Variants in NOTCH3 observed in about 807,000 individuals in gnomAD.
The protein encoded by NOTCH3 is notch receptor 3.
Under a neutral mutation model 213.3 loss-of-function variants are expected in NOTCH3, and 86 were observed. That is an observed-to-expected ratio of 0.40 (90% confidence interval 0.34 to 0.48). NOTCH3 has a LOEUF of 0.48. Ranked by LOEUF, NOTCH3 falls within the 20% of genes least tolerant of loss-of-function variation. The pLI, the probability that NOTCH3 is intolerant of heterozygous loss-of-function variation, is 0.57. For synonymous variants in NOTCH3, 1,354 were observed against 1,355.9 expected, an observed-to-expected ratio of 1.00 and a Z score of 0.03; for missense variants, 2,783 against 3,272.6, an observed-to-expected ratio of 0.85 and a Z score of 3.65.
At position 15,187,208 on chromosome 19, in the gene NOTCH3, G is replaced by A. The variant is rs781068003; in HGVS notation, c.1737C>T (p.Cys579=). The change falls in exon 11 of 33, where the codon TGC becomes TGT. Residue 579 remains cysteine (C), a synonymous_variant. Transcript: ENST00000263388. ...TGCGGCATTCGTCCACCTGGCTCTC[G>A]CAGCGTGTGCCCGTGTAGCCAGGAG... ...ACAPGYTGTR[C]ESQVDECRSQ... is the part of the protein sequence containing the mutation. The A allele has an allele frequency of 2.8e-5, 45 of 1,613,924 alleles. No individual in the cohort carries two copies. Among genetic ancestry groups the A allele is most frequent in the African/African-American group, 1.1e-4 (8 of 74,950 alleles).
Position 15,187,156 on chromosome 19 carries a change from AT to A in NOTCH3, c.1788del (p.Lys596AsnfsTer3), listed in dbSNP as rs1303316005. 2 of 1,614,092 alleles carry A rather than the reference AT, an allele frequency of 1.2e-6. No homozygotes were observed. Among genetic ancestry groups the A allele is most frequent in the Non-Finnish European group, 1.7e-6 (2 of 1,180,002 alleles). On this transcript the variant is annotated frameshift_variant, in exon 11 of 33. Transcript: ENST00000263388. LOFTEE classifies it high-confidence loss of function. ...CRSQPCRHGG[K>X]CLDLVDKYLC... Reference sequence around the variant, plus strand: ...AGGTACTTGTCCACCAGGTCTAGGCATTTGCCGCCATGGCGGCAGGGCTGGC... The same window carrying A: ...AGGTACTTGTCCACCAGGTCTAGGCATTGCCGCCATGGCGGCAGGGCTGGC...
chr19:15,168,810 G>C (rs112684888), intron 28 of NOTCH3, among the ~76,000 whole-genome samples: 23 of 151,994 alleles, frequency 1.5e-4, no homozygotes, highest in African/African-American at 5.1e-4. Context: ...CTCCAGCTTG[G>C]GCAACAGAGT....
At chr19:15,186,285 T>G (rs568304300) in intron 12 of NOTCH3, among the ~76,000 whole-genome samples, 1 of 152,226 alleles carries the variant, frequency 6.6e-6, no homozygotes, top group South Asian at 2.1e-4. Flanking sequence ...TCATTTCCAC[T>G]AAGGATTAGT....
intron 2 of NOTCH3, among the ~76,000 whole-genome samples, chr19:15,192,951 T>C (rs537973008): frequency 1.6e-4 from 25 of 152,168 alleles, no homozygotes; most frequent in African/African-American, 5.5e-4. Flanking sequence ...CATTCATTCA[T>C]GCAACGAATA....
chr19:15,174,931 G>A (rs527946430), intron 24 of NOTCH3, among the ~76,000 whole-genome samples: 16 of 152,070 alleles, frequency 1.1e-4, no homozygotes, highest in Middle Eastern at 3.4e-3. Context: ...TGTTGCCCAC[G>A]CCGGAGTGCA....
chr19:15,187,828 G>A, intron 10 of NOTCH3, 53 bp downstream of exon 10: 5 of 1,412,890 alleles, frequency 3.5e-6, no homozygotes, highest in Non-Finnish European at 4.9e-6. Flanking sequence ...TGGCCCTGTC[G>A]CCCACAAGCC....
chr19:15,173,815 T>C (rs1350135963), intron 25 of NOTCH3, among the ~76,000 whole-genome samples: 1 of 149,328 alleles, frequency 6.7e-6, no homozygotes, highest in Non-Finnish European at 1.5e-5. Context: ...AAAAAAACCC[T>C]ACACATGTAT....
At chr19:15,170,613 G>A (rs1425666085) in intron 26 of NOTCH3, 58 bp downstream of exon 26, 1 of 1,564,550 alleles carries the variant, frequency 6.4e-7, no homozygotes, top group Non-Finnish European at 8.6e-7. Flanking sequence ...GCCTCAGGCG[G>A]GGCTTCGGCC....
intron 12 of NOTCH3, 98 bp downstream of exon 12, chr19:15,186,780 G>T: frequency 1.0e-6 from 1 of 961,516 alleles, no homozygotes; most frequent in Non-Finnish European, 1.7e-6. Flanking sequence ...AACCTCGTTG[G>T]ACAAGAGTCT....
intron 25 of NOTCH3, among the ~76,000 whole-genome samples, chr19:15,173,499 C>A (rs2046757176): frequency 6.8e-6 from 1 of 148,084 alleles, no homozygotes; most frequent in Admixed American, 6.8e-5. Flanking sequence ...AATTCCTGGG[C>A]TCAAGTGATC....
chr19:15,189,811 G>A (rs993234489), intron 6 of NOTCH3, among the ~76,000 whole-genome samples: 3 of 151,910 alleles, frequency 2.0e-5, no homozygotes, highest in Non-Finnish European at 4.4e-5. Flanking sequence ...GAGCCACCGC[G>A]CCCGGCCTGT....
chr19:15,182,728 C>CG (rs2046850798), intron 16 of NOTCH3, among the ~76,000 whole-genome samples: 1 of 151,946 alleles, frequency 6.6e-6, no homozygotes, highest in African/African-American at 2.4e-5. Flanking sequence ...CCACAACCTC[C>CG]GCCTCCCGGG....
At position 15,189,331 on chromosome 19, in the gene NOTCH3, G is replaced by T. The variant is rs2046909933; in HGVS notation, c.1134C>A (p.Thr378=). 1 of 1,614,106 alleles carries T rather than the reference G, an allele frequency of 6.2e-7. No individual in the cohort carries two copies. Among genetic ancestry groups the T allele is most frequent in the Non-Finnish European group, 8.5e-7 (1 of 1,180,034 alleles). Reference sequence around the variant, plus strand: ...CCCCACCCGTGAAGCCGGGAGGACAGGTGCAAATGGCCCGGCCGTTCACCG... The same window carrying T: ...CCCCACCCGTGAAGCCGGGAGGACATGTGCAAATGGCCCGGCCGTTCACCG... ...TNPVNGRAIC[T]CPPGFTGGAC... The change falls in exon 7 of 33, where the codon ACC becomes ACA. Residue 378 remains threonine, a synonymous_variant. Transcript: ENST00000263388.
chr19:15,188,472 C>T (rs2046901876), intron 8 of NOTCH3, 124 bp from the exon 9 acceptor site: 2 of 716,868 alleles, frequency 2.8e-6, no homozygotes, highest in Admixed American at 4.0e-5. Flanking sequence ...CCCACCTCTA[C>T]ACTCCCAGCC....
rs368252825 is a variant in NOTCH3 at position 15,198,065 on chromosome 19, G to A, written c.119-487C>T. ...AGGCAGGCCTGCGTGGTGCTCTTGG[G>A]AGAGGGACCAAGGCATGTACCCACG... On this transcript the variant is annotated intron_variant, in intron 1 of 32. Coordinates refer to ENST00000263388, the MANE Select transcript of NOTCH3 (RefSeq NM_000435.3). 1.9e-4 allele frequency among the ~76,000 whole-genome samples: 29 copies of A among 152,304 alleles called. No individual in the cohort carries two copies. The South Asian group carries it at 5.8e-3, about 30-fold the overall frequency.
intron 24 of NOTCH3, 30 bp from the exon 25 acceptor site, chr19:15,174,430 C>T (rs1305815443): frequency 4.7e-6 from 7 of 1,477,960 alleles, no homozygotes; most frequent in Non-Finnish European, 5.5e-6. Context: ...CAGAGAGGGG[C>T]GGAGTCAGGG....
In NOTCH3 at chr19:15,185,060, G is replaced by A; in HGVS notation, c.2297-41C>T. On this transcript the variant is annotated intron_variant, in intron 14 of 32. Coordinates refer to ENST00000263388, the MANE Select transcript of NOTCH3 (RefSeq NM_000435.3). This position sits in a 1 kb window ranked among gnomAD's most constrained non-coding sequence, Gnocchi z 4.2. The stretch of plus-strand genomic sequence containing the variant: ...GAGAGGGAAGCAGAGATAGCCTTGA[G>A]GGACTCCCTGATCCCATCTCCCCCC... 1.5e-6 allele frequency: 2 copies of A among 1,298,230 alleles called. No individual in the cohort carries two copies. Among genetic ancestry groups the A allele is most frequent in the Non-Finnish European group, 2.1e-6 (2 of 936,568 alleles). The allele number at this position is 1,298,230 out of a possible 1,614,324, so 80.4% of individuals were successfully genotyped here.
chr19:15,187,072 G>C lies in NOTCH3; in HGVS notation c.1840+33C>G, dbSNP rs368568299. 154 of 1,607,856 alleles carry C rather than the reference G, an allele frequency of 9.6e-5. 1 individual carries two copies. In the Middle Eastern group the frequency reaches 1.2e-3, roughly 12 times the overall value. ...TCCCAAACCCTCTGTGCCCCTCCAGGTGTGCTGTTTCTGCCCCAGCCCCCG... is the reference window on the plus strand; with the variant it reads ...TCCCAAACCCTCTGTGCCCCTCCAGCTGTGCTGTTTCTGCCCCAGCCCCCG... On this transcript the variant is annotated intron_variant, in intron 11 of 32. Coordinates refer to ENST00000263388, the MANE Select transcript of NOTCH3 (RefSeq NM_000435.3).
chr19:15,173,085 T>C lies in NOTCH3; in HGVS notation c.4736+983A>G, dbSNP rs1198551574. ...TTCTTCTTCTTCTTCTTCTTCTTCT[T>C]CTTCTTCTTCTTCTTCTTCTTTTTT... On this transcript the variant is annotated intron_variant, in intron 25 of 32. Coordinates refer to ENST00000263388, the MANE Select transcript of NOTCH3 (RefSeq NM_000435.3). Among the ~76,000 whole-genome samples the C allele has an allele frequency of 1.4e-4, 6 of 44,254 alleles. No individual in the cohort carries two copies. The South Asian group carries it at 5.8e-3, about 43-fold the overall frequency. The allele number at this position is 44,254 out of a possible 152,430, so 29.0% of individuals were successfully genotyped here. A position where few individuals can be genotyped will look rare whatever the true frequency, so the allele number is the denominator to read the frequency against.
Sources: gnomAD v4.1 joint callset for allele counts (sites outside exome capture counted in the v4.1 genomes callset) on GRCh38, gnomAD v4.1.1 for gene constraint, Gnocchi (gnomAD v3.1) non-coding constraint, MANE v1.5 for transcripts, NCBI Gene and HGNC (gene_info 2026-07-23, HGNC 2026-07-21) for gene names.